CLPTM1: variants seen among roughly 807,000 people sequenced by gnomAD.
The protein encoded by CLPTM1 is CLPTM1 regulator of GABA type A receptor forward trafficking, also known as putative lipid scramblase CLPTM1.
A neutral mutation model predicts 77.3 loss-of-function variants in CLPTM1; 21 were observed. That is an observed-to-expected ratio of 0.27 (90% CI 0.19 to 0.39). CLPTM1 has a LOEUF of 0.39. Among genes scored for constraint, CLPTM1 ranks in the 10% least tolerant of loss-of-function variants. The pLI, the probability that CLPTM1 is intolerant of heterozygous loss-of-function variation, is 1.00. For synonymous variants in CLPTM1, 373 were observed against 381.0 expected, an observed-to-expected ratio of 0.98 and a Z score of 0.24; for missense variants, 642 against 921.2, an observed-to-expected ratio of 0.70 and a Z score of 3.92.
intron 1 of CLPTM1, among the ~76,000 whole-genome samples, chr19:44,958,670 C>G (rs1970499770): frequency 6.6e-6 from 1 of 152,178 alleles, no homozygotes; most frequent in Non-Finnish European, 1.5e-5. Flanking sequence ...CCACGTCCAG[C>G]CTTGTGGTAT....
At position 44,991,871 on chromosome 19, in the gene CLPTM1, C is replaced by G. The variant is rs1971081016; in HGVS notation, c.1556-362C>G. Among the ~76,000 whole-genome samples the G allele has an allele frequency of 6.6e-6, 1 of 152,108 alleles. No individual in the cohort carries two copies. The highest frequency in any genetic ancestry group is 1.5e-5 in the Non-Finnish European group (1 of 68,026). On this transcript the variant is annotated intron_variant, in intron 12 of 13. Coordinates refer to ENST00000337392, the MANE Select transcript of CLPTM1 (RefSeq NM_001294.4). The surrounding 1 kb of genome is among the most constrained non-coding windows in gnomAD (Gnocchi z 5.4). ...AGTGAGCCATGATTACGCCACTGCA[C>G]TCCAGCCTGGGTGACAGAGTGAGAC...
upstream of CLPTM1, chr19:44,955,256 C>T (rs1310069376): frequency 2.7e-6 from 4 of 1,481,860 alleles, no homozygotes; most frequent in Non-Finnish European, 3.6e-6. Context: ...AAGTGGCCTT[C>T]CTGAGAGGCG....
At chr19:44,963,837 C>T (rs913402517) in intron 2 of CLPTM1, among the ~76,000 whole-genome samples, 4 of 151,958 alleles carry the variant, frequency 2.6e-5, no homozygotes, top group Admixed American at 6.6e-5. Flanking sequence ...AGGCTGGTCT[C>T]GAACTCCCAA....
intron 4 of CLPTM1, among the ~76,000 whole-genome samples, chr19:44,975,463 A>T (rs187334589): frequency 1.4e-4 from 21 of 152,262 alleles, no homozygotes; most frequent in African/African-American, 4.6e-4. Flanking sequence ...CTTTCTCCCC[A>T]GCAGGCCTTC....
chr19:44,971,951 A>G (rs995560573), intron 2 of CLPTM1, among the ~76,000 whole-genome samples: 2 of 140,948 alleles, frequency 1.4e-5, no homozygotes, highest in Non-Finnish European at 3.0e-5. Context: ...GCTCACTGCA[A>G]CCTACGCCTC....
At chr19:44,955,791 A>T in intron 1 of CLPTM1, 1 of 290,126 alleles carries the variant, frequency 3.4e-6, no homozygotes, top group Non-Finnish European at 6.4e-6. Context: ...CCATGCTCTG[A>T]GGCCGTTCCT....
chr19:44,984,430 G>A (rs1273659137), intron 5 of CLPTM1: 1 of 152,286 alleles, frequency 6.6e-6, no homozygotes, highest in East Asian at 1.9e-4. Context: ...CATTCAGTGG[G>A]GTGGCCAGGG....
intron 9 of CLPTM1, among the ~76,000 whole-genome samples, chr19:44,988,694 C>G (rs2122331095): frequency 6.6e-6 from 1 of 152,342 alleles, no homozygotes; most frequent in Middle Eastern, 3.4e-3. Flanking sequence ...CCTGTGGGAG[C>G]CAGAGGCTCA....
chr19:44,955,375 G>T, upstream of CLPTM1: 1 of 1,285,558 alleles, frequency 7.8e-7, no homozygotes, highest in Non-Finnish European at 1.0e-6. Flanking sequence ...GGCGGCGGGG[G>T]CGGGGACCCG....
At chr19:44,967,416 T>C (rs1335822298) in intron 2 of CLPTM1, among the ~76,000 whole-genome samples, 1 of 151,938 alleles carries the variant, frequency 6.6e-6, no homozygotes, top group Non-Finnish European at 1.5e-5. Flanking sequence ...CCCAGCACTT[T>C]GGGAGACCAA....
intron 7 of CLPTM1, 100 bp downstream of exon 7, chr19:44,986,675 T>G: frequency 6.9e-7 from 1 of 1,457,914 alleles, no homozygotes; most frequent in Non-Finnish European, 9.2e-7. Context: ...TGAGAGAGCT[T>G]TCCAGGGCTC....
At chr19:44,959,243 A>G (rs911586230) in intron 1 of CLPTM1, among the ~76,000 whole-genome samples, 28 of 151,490 alleles carry the variant, frequency 1.8e-4, no homozygotes, top group African/African-American at 6.5e-4. Context: ...TCTAAGTAAG[A>G]GAGACAGGGT....
At chr19:44,983,479 G>A (rs1970929110) in intron 5 of CLPTM1, among the ~76,000 whole-genome samples, 1 of 151,250 alleles carries the variant, frequency 6.6e-6, no homozygotes, top group Non-Finnish European at 1.5e-5. Flanking sequence ...TTAGCCGGGC[G>A]TGGTGGTACA....
At chr19:44,976,169 G>C (rs1272760826) in intron 4 of CLPTM1, among the ~76,000 whole-genome samples, 2 of 152,218 alleles carry the variant, frequency 1.3e-5, no homozygotes, top group African/African-American at 2.4e-5. Flanking sequence ...TTTCTGACCT[G>C]CACTGAGAGG....
intron 5 of CLPTM1, among the ~76,000 whole-genome samples, chr19:44,983,693 C>T (rs929831764): frequency 2.1e-5 from 3 of 142,910 alleles, no homozygotes; most frequent in Non-Finnish European, 3.0e-5. Context: ...CCAGGTGCGG[C>T]AGCTCACACC....
In CLPTM1 at chr19:44,992,262, A is replaced by G. The variant is rs1748208140; in HGVS notation, c.1585A>G (p.Ile529Val). Residue 529 changes from isoleucine (I) to valine (V), a missense_variant, in exon 13 of 14, where the codon ATC becomes GTC. Ile to Val is a conservative substitution (Grantham distance 29). Transcript: ENST00000337392. This position sits in a 1 kb window ranked among gnomAD's most constrained non-coding sequence, Gnocchi z 7.7. ...GFITMTPQLF[I>V]NYKLKSVAHL... ...CATCACCATGACGCCCCAGCTCTTC[A>G]TCAACTACAAGCTCAAGTCTGTGGC... is the stretch of plus-strand genomic sequence containing the variant. The G allele has an allele frequency of 6.2e-7, 1 of 1,613,928 alleles. No individual in the cohort carries two copies. The highest frequency in any genetic ancestry group is 1.3e-5 in the African/African-American group (1 of 74,868).
At chr19:44,985,196 CT>C in intron 5 of CLPTM1, 21 bp from the exon 6 acceptor site, 1 of 1,604,306 alleles carries the variant, frequency 6.2e-7, no homozygotes, top group Non-Finnish European at 8.5e-7. Context: ...ACGTCCCCTC[CT>C]TTCCCACCTC....
At chr19:44,954,918 C>T, upstream of CLPTM1, 1 of 1,465,222 alleles carries the variant, frequency 6.8e-7, no homozygotes, top group Non-Finnish European at 9.2e-7. Flanking sequence ...AAGGCTAGTT[C>T]TTCGAATCAG....
intron 2 of CLPTM1, among the ~76,000 whole-genome samples, chr19:44,971,232 T>C (rs2122271238): frequency 6.6e-6 from 1 of 152,282 alleles, no homozygotes; most frequent in South Asian, 2.1e-4. Flanking sequence ...TATTTATATA[T>C]ATTCATATGT....
Sources: allele counts gnomAD v4.1 joint callset (sites outside exome capture counted in the v4.1 genomes callset), GRCh38; gene constraint gnomAD v4.1.1; non-coding constraint Gnocchi (gnomAD v3.1); transcripts MANE v1.5; gene names NCBI Gene and HGNC (gene_info 2026-07-23, HGNC 2026-07-21).